The following KIFC3 variants were observed in gnomAD, a reference collection of about 807,000 sequenced individuals.
KIFC3 encodes the protein kinesin family member C3, also known as kinesin-like protein KIFC3.
Under a neutral mutation model 101.8 loss-of-function variants are expected in KIFC3, and 60 were observed. The observed-to-expected ratio is 0.59, with a 90% CI of 0.48 to 0.73. KIFC3 has a LOEUF of 0.73. Ranked by LOEUF, KIFC3 falls within the 30% of genes least tolerant of loss-of-function variation. The probability of loss-of-function intolerance (pLI) is 0.00; values close to 1 mark genes in which losing one functional copy is unlikely to be tolerated. For missense variants in KIFC3, 966 were observed against 1,137.1 expected, an observed-to-expected ratio of 0.85 and a Z score of 2.16; for synonymous variants, 476 against 482.7, an observed-to-expected ratio of 0.99 and a Z score of 0.18.
chr16:57,859,354 A>T (rs1161418894), intron 1 of KIFC3, among the ~76,000 whole-genome samples: 1 of 152,212 alleles, frequency 6.6e-6, no homozygotes, highest in Non-Finnish European at 1.5e-5. Flanking sequence ...TCTCAGCTTG[A>T]GTATTTTGTC....
chr16:57,807,929 T>TAAAAAAAAAAAAAA (rs58392665), upstream of KIFC3: 1 of 81,562 alleles, frequency 1.2e-5, no homozygotes, highest in African/African-American at 4.9e-5. Context: ...GATCCTGTCT[T>TAAAAAAAAAAAAAA]AAAAAAAAAA....
intron 16 of KIFC3, 36 bp downstream of exon 16, chr16:57,760,690 G>T (rs1193301899): frequency 5.8e-6 from 9 of 1,557,232 alleles, no homozygotes; most frequent in Non-Finnish European, 8.0e-6. Context: ...GCCCCTACAT[G>T]CTAGGGACTG....
intron 1 of KIFC3, among the ~76,000 whole-genome samples, chr16:57,808,899 A>G (rs982309532): frequency 2.0e-5 from 3 of 152,236 alleles, no homozygotes; most frequent in Non-Finnish European, 2.9e-5. Context: ...CCCTCAGCCC[A>G]GCATCTGGCA....
chr16:57,775,313 C>T, intron 3 of KIFC3: 1 of 1,200,576 alleles, frequency 8.3e-7, no homozygotes, highest in Non-Finnish European at 1.0e-6. Flanking sequence ...TTCTTGAGGG[C>T]AGCAAAGCAG....
intron 1 of KIFC3, among the ~76,000 whole-genome samples, chr16:57,812,799 A>G (rs1193479966): frequency 5.9e-5 from 9 of 152,174 alleles, no homozygotes; most frequent in African/African-American, 2.2e-4. Flanking sequence ...AACACTCCAG[A>G]AAGTGTGAGT....
intron 2 of KIFC3, among the ~76,000 whole-genome samples, chr16:57,795,884 G>GTTTTTTTTGT: frequency 1.7e-5 from 1 of 58,786 alleles, no homozygotes; most frequent in African/African-American, 4.9e-5. Context: ...GGGCTTTTTT[G>GTTTTTTTTGT]TTTTTTTTTT....
intron 1 of KIFC3, among the ~76,000 whole-genome samples, chr16:57,826,429 G>T (rs12149502): frequency 0.083 from 12,643 of 152,148 alleles, 659 homozygotes; most frequent in South Asian, 0.12. Flanking sequence ...CTCATTAAAG[G>T]TGGTAGTGAC....
rs887910135 is a variant in KIFC3, at chr16:57,828,402, C to T, written c.109-30120G>A. On this transcript the variant is annotated intron_variant, in intron 1 of 2. Coordinates refer to the KIFC3 transcript ENST00000563028. ...CCTCTCTGGGTGCTGCACATGGAGG[C>T]CTGTGTGCAGATGTGGCCATGAGGA... Among the ~76,000 whole-genome samples the T allele has an allele frequency of 6.6e-5, 10 of 152,292 alleles. 2 individuals are homozygous for T. In the South Asian group the frequency reaches 1.4e-3, roughly 22 times the overall value.
At chr16:57,793,561 C>T (rs1258573011) in intron 3 of KIFC3, among the ~76,000 whole-genome samples, 11 of 151,596 alleles carry the variant, frequency 7.3e-5, no homozygotes, top group Admixed American at 2.0e-4. Context: ...CCATTGCACT[C>T]CAGCCTGGGC....
chr16:57,758,796 ACT>A lies in KIFC3; in HGVS notation c.*136_*137del. 7.3e-7 allele frequency: 1 copy of A among 1,369,060 alleles called. No homozygotes were observed. The allele number at this position is 1,369,060 out of a possible 1,614,324, so 84.8% of individuals were successfully genotyped here. A position where few individuals can be genotyped will look rare whatever the true frequency, so the allele number is the denominator to read the frequency against. ...GAGACGGGGCAGAAGAAGAGCCTCC[ACT>A]CTCGCCTCTACCTCCGGGGGTCCTG... On this transcript the variant is annotated 3_prime_UTR_variant, in exon 20 of 20. Transcript: ENST00000445690.
At chr16:57,798,437 G>A in intron 1 of KIFC3, 155 bp from the exon 2 acceptor site, 1 of 677,620 alleles carries the variant, frequency 1.5e-6, no homozygotes, top group Non-Finnish European at 2.5e-6. Flanking sequence ...AGACCCTAGG[G>A]CTCGCAGGAT....
intron 1 of KIFC3, among the ~76,000 whole-genome samples, chr16:57,825,837 A>G (rs1335120889): frequency 6.6e-6 from 1 of 152,042 alleles, no homozygotes; most frequent in Non-Finnish European, 1.5e-5. Flanking sequence ...GTGCACCACC[A>G]TGACTGGCTA....
chr16:57,852,299 C>T (rs1444775028), intron 1 of KIFC3, among the ~76,000 whole-genome samples: 5 of 152,030 alleles, frequency 3.3e-5, no homozygotes, highest in African/African-American at 1.2e-4. Flanking sequence ...GGAGGGTCCT[C>T]ATTGTCAGTT....
chr16:57,813,923 G>A, intron 1 of KIFC3: 1 of 871,088 alleles, frequency 1.1e-6, no homozygotes, highest in Non-Finnish European at 1.4e-6. Flanking sequence ...CCGGGTAGGG[G>A]CTGTGCAGTC....
intron 3 of KIFC3, 76 bp from the exon 4 acceptor site, chr16:57,772,364 C>T (rs1442178683): frequency 8.1e-7 from 1 of 1,241,456 alleles, no homozygotes; most frequent in Non-Finnish European, 1.2e-6. Context: ...CTGCCCAGCA[C>T]CAGGGATGAC....
chr16:57,775,328 A>G, intron 3 of KIFC3: 1 of 1,174,492 alleles, frequency 8.5e-7, no homozygotes, highest in Non-Finnish European at 1.1e-6. Flanking sequence ...AAGCAGGGGG[A>G]ATGTGACTGA....
chr16:57,767,647 T>G (rs2050641122), intron 9 of KIFC3, among the ~76,000 whole-genome samples: 1 of 152,166 alleles, frequency 6.6e-6, no homozygotes, highest in African/African-American at 2.4e-5. Flanking sequence ...ATACTTTATT[T>G]TTTTTGAGAC....
chr16:57,786,504 G>C (rs2053337496), intron 3 of KIFC3, among the ~76,000 whole-genome samples: 1 of 152,078 alleles, frequency 6.6e-6, no homozygotes, highest in Non-Finnish European at 1.5e-5. Flanking sequence ...AAAGAGTTTG[G>C]GGGAGAGAGA....
chr16:57,802,665 C>T, upstream of KIFC3: 1 of 1,029,258 alleles, frequency 9.7e-7, no homozygotes, highest in Non-Finnish European at 1.3e-6. This position sits in a 1 kb window ranked among gnomAD's most constrained non-coding sequence, Gnocchi z 5.0. Context: ...CACTCCCACT[C>T]CCACTCCTTC....
Sources: allele counts gnomAD v4.1 joint callset (sites outside exome capture counted in the v4.1 genomes callset), GRCh38; gene constraint gnomAD v4.1.1; non-coding constraint Gnocchi (gnomAD v3.1); transcripts MANE v1.5; gene names NCBI Gene and HGNC (gene_info 2026-07-23, HGNC 2026-07-21).